SOAT2: variants seen among roughly 807,000 people sequenced by gnomAD.
SOAT2 encodes sterol O-acyltransferase 2, also known as ACAT-2.
Under a neutral mutation model 76.0 loss-of-function variants are expected in SOAT2, and 87 were observed. That is an observed-to-expected ratio of 1.14 (90% CI 0.96 to 1.37). The LOEUF is 1.37. Ranked by LOEUF, SOAT2 falls within the 40% of genes most tolerant of loss-of-function variation. The pLI is 0.00. For synonymous variants in SOAT2, 285 were observed against 275.4 expected (o/e 1.03, Z -0.34); for missense variants, 686 against 682.1 (o/e 1.01, Z -0.06).
chr12:53,104,288 A>AAT, intron 2 of SOAT2, 82 bp downstream of exon 2: 2 of 750,396 alleles, frequency 2.7e-6, no homozygotes, highest in Non-Finnish European at 4.2e-6. Context: ...GATAAAGATG[A>AAT]CTTTTTTTTT....
At chr12:53,117,670 T>G (rs1486493096) in intron 7 of SOAT2, among the ~76,000 whole-genome samples, 1 of 151,808 alleles carries the variant, frequency 6.6e-6, no homozygotes, top group African/African-American at 2.4e-5. Flanking sequence ...AGGGGACGTT[T>G]CTGGGAGGCC....
intron 5 of SOAT2, among the ~76,000 whole-genome samples, chr12:53,107,620 TAC>T (rs1937954090): frequency 3.5e-5 from 5 of 144,154 alleles, no homozygotes; most frequent in African/African-American, 5.3e-5. Flanking sequence ...ACAACAGATG[TAC>T]TTTTTTTTTT....
chr12:53,110,680 T>A (rs1355608927), intron 5 of SOAT2, among the ~76,000 whole-genome samples: 1 of 152,210 alleles, frequency 6.6e-6, no homozygotes, highest in East Asian at 1.9e-4. Context: ...CCTAGCCTTA[T>A]CTAGAATCTA....
intron 11 of SOAT2, 113 bp downstream of exon 11, chr12:53,120,996 A>G (rs1938181875): frequency 2.5e-6 from 2 of 808,300 alleles, no homozygotes; most frequent in South Asian, 2.9e-5. Flanking sequence ...TTCACCTCCC[A>G]TAATAAGAAA....
Position 53,105,985 on chromosome 12 carries a change from C to T in SOAT2, c.414C>T (p.Thr138=). 6.2e-7 allele frequency: 1 copy of T among 1,614,052 alleles called. No homozygotes were observed. Among genetic ancestry groups the T allele is most frequent in the Non-Finnish European group, 8.5e-7 (1 of 1,179,936 alleles). ...GCCTGTGTGTCTTCATCATCAGCACCCTGGCCATCGACTTCATTGATGAGG... is the reference window on the plus strand; with the variant it reads ...GCCTGTGTGTCTTCATCATCAGCACTCTGGCCATCGACTTCATTGATGAGG... ...IAGLCVFIIS[T]LAIDFIDEGR... is the part of the protein sequence containing the mutation. The change falls in exon 5 of 15, where the codon ACC becomes ACT. Residue 138 remains threonine (T), a synonymous_variant. Coordinates refer to ENST00000301466, the MANE Select transcript of SOAT2 (RefSeq NM_003578.4).
rs768507509 is a variant in SOAT2, at chr12:53,105,089, C to T, written c.139-18C>T. On this transcript the variant is annotated intron_variant, in intron 2 of 14. Coordinates refer to ENST00000301466, the MANE Select transcript of SOAT2 (RefSeq NM_003578.4). ...TGACTGGAGGGACAGTGGGCTCTACCCTGGCTTTGTCCCGTAGGCTGTGAA... is the reference window on the plus strand; with the variant it reads ...TGACTGGAGGGACAGTGGGCTCTACTCTGGCTTTGTCCCGTAGGCTGTGAA... 1.4e-5 allele frequency: 21 copies of T among 1,553,046 alleles called. No homozygotes were observed. In the East Asian group the frequency reaches 4.9e-4, roughly 36 times the overall value.
In SOAT2 at chr12:53,104,039, T is replaced by C. The variant is rs72550792; in HGVS notation, c.83-112T>C. 1,099 of 905,956 alleles carry C rather than the reference T, an allele frequency of 1.2e-3. 7 individuals are homozygous for C. The African/African-American group carries it at 0.015, about 13-fold the overall frequency. The allele number at this position is 905,956 out of a possible 1,614,324, so 56.1% of individuals were successfully genotyped here. A position where few individuals can be genotyped will look rare whatever the true frequency, so the allele number is the denominator to read the frequency against. On this transcript the variant is annotated intron_variant, in intron 1 of 14. Transcript: ENST00000301466. ...ACCATGATACTAGATATTGGCTGGT[T>C]GGGGTGAGGGCAGCTGCTGAGCACA...
chr12:53,113,416 G>A (rs1198825967), intron 5 of SOAT2, among the ~76,000 whole-genome samples: 2 of 152,160 alleles, frequency 1.3e-5, no homozygotes, highest in Non-Finnish European at 1.5e-5. Context: ...GACAGCCCTC[G>A]GGAGGGTCCC....
intron 12 of SOAT2, 30 bp downstream of exon 12, chr12:53,121,431 C>T: frequency 1.3e-6 from 2 of 1,542,880 alleles, no homozygotes; most frequent in South Asian, 1.1e-5. Flanking sequence ...CTTCAGCTCT[C>T]ACAGTTAATA....
intron 3 of SOAT2, 68 bp downstream of exon 3, chr12:53,105,311 T>A (rs1937915986): frequency 6.5e-7 from 1 of 1,539,820 alleles, no homozygotes; most frequent in African/African-American, 1.4e-5. Flanking sequence ...CATCACGTTA[T>A]GTGCCCTTGC....
rs546606341 is a variant in SOAT2, at chr12:53,120,783, C to G, written c.1040-3C>G. The stretch of plus-strand genomic sequence containing the variant: ...CCTGCAGCCTCTTGTCCCCAACCAC[C>G]AGGCATCTTCATGCTGCTGCTCATC... On this transcript the variant is annotated splice_region_variant and splice_polypyrimidine_tract_variant and intron_variant, in intron 10 of 14. Coordinates refer to ENST00000301466, the MANE Select transcript of SOAT2 (RefSeq NM_003578.4). The G allele has an allele frequency of 3.1e-6, 5 of 1,612,092 alleles. No homozygotes were observed. In the African/African-American group the frequency reaches 5.3e-5, roughly 17 times the overall value.
rs780108385 is a variant in SOAT2 at position 53,121,347 on chromosome 12, G to A, written c.1182G>A (p.Trp394Ter). 5.6e-6 allele frequency: 9 copies of A among 1,614,018 alleles called. No individual in the cohort carries two copies. The highest frequency in any genetic ancestry group is 3.3e-5 in the Admixed American group (2 of 59,996). Residue 394 changes from tryptophan (W) to a stop codon, truncating the protein, a stop_gained, in exon 12 of 15, where the codon TGG (tryptophan) becomes TGA (stop). Coordinates refer to ENST00000301466, the MANE Select transcript of SOAT2 (RefSeq NM_003578.4). LOFTEE classifies it high-confidence loss of function. The part of the protein sequence containing the change: ...STSFSNYYRT[W>*]NVVVHDWLYS... ...CCTTCTCCAACTACTACCGCACTTG[G>A]AACGTGGTGGTCCATGACTGGCTGT...
rs983370185 is a variant in SOAT2 at position 53,115,568 on chromosome 12, G to A, written c.622G>A (p.Ala208Thr). ...GGGCTGTGCGCTGCTAGCCGCCCAC[G>A]CCGTGGTGCTCTGCGCGCTGCCGGT... ...GLGCALLAAHAVVLCALPVHV... is the reference protein window; with the variant it reads ...GLGCALLAAHTVVLCALPVHV... The change falls in exon 6 of 15, where the codon GCC becomes ACC. Residue 208 changes from alanine (A) to threonine (T), a missense_variant. Transcript: ENST00000301466. 54 of 1,589,320 alleles carry A rather than the reference G, an allele frequency of 3.4e-5. No homozygotes were observed. Among genetic ancestry groups the A allele is most frequent in the Non-Finnish European group, 4.4e-5 (52 of 1,174,048 alleles).
chr12:53,115,696 G>T lies in SOAT2; in HGVS notation c.708+42G>T, dbSNP rs377444640. ...GCTGACGGACAGGAAGGAACCAGCT[G>T]GTGGGGCCATCTCAGCAGAGGGGGA... On this transcript the variant is annotated intron_variant, in intron 6 of 14. Transcript: ENST00000301466. 536 of 1,471,036 alleles carry T rather than the reference G, an allele frequency of 3.6e-4. 3 individuals are homozygous for T. The African/African-American group carries it at 6.5e-3, about 18-fold the overall frequency. The allele number at this position is 1,471,036 out of a possible 1,614,324, so 91.1% of individuals were successfully genotyped here.
rs1303838303 is a variant in SOAT2 at position 53,107,622 on chromosome 12, C to CTTTTTTTTTTTTTTTTTT, written c.443+1609_443+1626dup. Among the ~76,000 whole-genome samples, 124 of 116,964 alleles carry CTTTTTTTTTTTTTTTTTT rather than the reference C, an allele frequency of 1.1e-3. 13 individuals are homozygous for CTTTTTTTTTTTTTTTTTT. Among genetic ancestry groups the CTTTTTTTTTTTTTTTTTT allele is most frequent in the African/African-American group, 2.6e-3 (71 of 27,186 alleles). 76.7% of individuals were successfully genotyped at this position (116,964 alleles called of 152,430 possible). A position where few individuals can be genotyped will look rare whatever the true frequency, so the allele number is the denominator to read the frequency against. ...AGACTAGAATTTAACAACAGATGTA[C>CTTTTTTTTTTTTTTTTTT]TTTTTTTTTTTTTTTTTTGAGACAG... On this transcript the variant is annotated intron_variant, in intron 5 of 14. Transcript: ENST00000301466.
chr12:53,118,406 A>G lies in SOAT2; in HGVS notation c.835A>G (p.Thr279Ala), dbSNP rs758362683. 1 of 1,613,392 alleles carries G rather than the reference A, an allele frequency of 6.2e-7. No homozygotes were observed. The highest frequency in any genetic ancestry group is 8.5e-7 in the Non-Finnish European group (1 of 1,179,668). The change falls in exon 8 of 15, where the codon ACA (threonine) becomes GCA (alanine). Residue 279 changes from threonine to alanine, a missense_variant. Thr to Ala is a moderately conservative substitution (Grantham distance 58, BLOSUM62 0). Coordinates refer to ENST00000301466, the MANE Select transcript of SOAT2 (RefSeq NM_003578.4). Reference sequence around the variant, plus strand: ...CTACCTCTACTTCCTCTTCTGCCCAACACTCATCTACAGGGAGACTTACCC... The same window carrying G: ...CTACCTCTACTTCCTCTTCTGCCCAGCACTCATCTACAGGGAGACTTACCC... ...SSYLYFLFCP[T>A]LIYRETYPRT...
Position 53,119,053 on chromosome 12 carries a change from G to A in SOAT2, c.910-71G>A, listed in dbSNP as rs1269502917. ...GCCAAGGGAAGAGAAGGCCAGTGCT[G>A]GGCCAGAGGTCAATGCCACCGGCAG... On this transcript the variant is annotated intron_variant, in intron 9 of 14. Coordinates refer to ENST00000301466, the MANE Select transcript of SOAT2 (RefSeq NM_003578.4). The A allele has an allele frequency of 8.1e-6, 13 of 1,609,952 alleles. No homozygotes were observed. In the South Asian group the frequency reaches 1.4e-4, roughly 18 times the overall value.
In SOAT2 at chr12:53,116,138, T is replaced by A. The variant is rs1565627916; in HGVS notation, c.750T>A (p.Ala250=). The change falls in exon 7 of 15, where the codon GCT becomes GCA. Residue 250 remains alanine (A), a synonymous_variant. Transcript: ENST00000301466. The part of the protein sequence containing the change: ...LMKSYSFLRE[A]VPGTLRARRG... ...AAAGCTACTCCTTCCTGAGAGAGGC[T>A]GTGCCTGGGACCCTTCGTGCCAGAC... is the stretch of plus-strand genomic sequence containing the variant. The A allele has an allele frequency of 6.2e-7, 1 of 1,614,210 alleles. No individual in the cohort carries two copies.
chr12:53,122,780 C>T (rs1189875068), intron 12 of SOAT2, among the ~76,000 whole-genome samples: 2 of 151,274 alleles, frequency 1.3e-5, no homozygotes, highest in African/African-American at 4.9e-5. Flanking sequence ...CCTTTCCCCA[C>T]CTTTCCCCCC....
Sources: allele counts gnomAD v4.1 joint callset (sites outside exome capture counted in the v4.1 genomes callset), GRCh38; gene constraint gnomAD v4.1.1; transcripts MANE v1.5; gene names NCBI Gene and HGNC (gene_info 2026-07-23, HGNC 2026-07-21).